The following NCBP3 variants were observed in gnomAD, a reference collection of about 807,000 sequenced individuals.
NCBP3 encodes the protein nuclear cap-binding protein subunit 3.
NCBP3 carries 20 observed loss-of-function variants against 75.7 expected under a neutral mutation model. The observed-to-expected ratio is 0.26, with a 90% CI of 0.19 to 0.38. The LOEUF is 0.38. Among genes scored for constraint, NCBP3 ranks in the 10% least tolerant of loss-of-function variants. NCBP3 has a pLI of 1.00. For missense variants in NCBP3, 678 were observed against 796.9 expected, an observed-to-expected ratio of 0.85 and a Z score of 1.80; for synonymous variants, 293 against 290.5, an observed-to-expected ratio of 1.01 and a Z score of -0.09.
At chr17:3,836,592 A>G (rs218709) in intron 3 of NCBP3, among the ~76,000 whole-genome samples, 104,472 of 149,972 alleles carry the variant, frequency 0.7, 36,868 homozygotes, top group Middle Eastern at 0.76. Flanking sequence ...GGCGGAGGTT[A>G]TAGTGAGCCA....
At chr17:3,826,695 A>AGAAGGAAGGAAGGAAG (rs375511950) in intron 4 of NCBP3, among the ~76,000 whole-genome samples, 2,194 of 146,044 alleles carry the variant, frequency 0.015, 64 homozygotes, top group African/African-American at 0.049. Flanking sequence ...AGACAGAAAG[A>AGAAGGAAGGAAGGAAG]GAAGGAAGGA....
intron 4 of NCBP3, among the ~76,000 whole-genome samples, chr17:3,828,053 G>C (rs753548291): frequency 6.6e-6 from 1 of 152,126 alleles, no homozygotes; most frequent in Non-Finnish European, 1.5e-5. Context: ...TGAATAGCTG[G>C]GATTACAGGT....
Position 3,817,621 on chromosome 17 carries a change from T to C in NCBP3, c.1310+642A>G, listed in dbSNP as rs187340759. 8.3e-3 allele frequency among the ~76,000 whole-genome samples: 1,267 copies of C among 151,768 alleles called. 13 individuals are homozygous for C. The highest frequency in any genetic ancestry group is 0.012 in the Non-Finnish European group (843 of 67,948). On this transcript the variant is annotated intron_variant, in intron 10 of 12. Coordinates refer to ENST00000389005, the MANE Select transcript of NCBP3 (RefSeq NM_001114118.3). The stretch of plus-strand genomic sequence containing the variant: ...TCCAGCCTGGGTGACAGAGCGAGAC[T>C]CCGTCTCAAAAAAAAAATAAAAACA...
At chr17:3,824,835 G>C (rs1346206981) in intron 7 of NCBP3, 107 bp downstream of exon 7, 2 of 575,698 alleles carry the variant, frequency 3.5e-6, no homozygotes, top group African/African-American at 3.9e-5. Flanking sequence ...AGTTTGAAGG[G>C]AACTTTGAGA....
intron 3 of NCBP3, among the ~76,000 whole-genome samples, chr17:3,835,969 C>A (rs1305400009): frequency 6.6e-6 from 1 of 152,194 alleles, no homozygotes; most frequent in African/African-American, 2.4e-5. Context: ...GGACTATGAG[C>A]AAGTTTCCCA....
At position 3,846,059 on chromosome 17, in the gene NCBP3, C is replaced by T. The variant is rs1414040196; in HGVS notation, c.165G>A (p.Ser55=). 3 of 1,548,604 alleles carry T rather than the reference C, an allele frequency of 1.9e-6. No individual in the cohort carries two copies. Among genetic ancestry groups the T allele is most frequent in the Non-Finnish European group, 2.6e-6 (3 of 1,145,716 alleles). ...GELEIVPVRR[S]LKELIPDTSR... ...CCCGTACCGGGATCAGTTCCTTGAG[C>T]GAGCGCCGCACAGGCACGATTTCCA... Residue 55 remains serine, a synonymous_variant, in exon 1 of 13, where the codon TCG becomes TCA. Transcript: ENST00000389005. This position sits in a 1 kb window ranked among gnomAD's most constrained non-coding sequence, Gnocchi z 4.6.
chr17:3,830,249 G>A lies in NCBP3; in HGVS notation c.356-881C>T, dbSNP rs575844565. On this transcript the variant is annotated intron_variant, in intron 3 of 12. Coordinates refer to ENST00000389005, the MANE Select transcript of NCBP3 (RefSeq NM_001114118.3). ...TGTGGGCTCACGAAGTAGCTCACAC[G>A]AAGATGTTTGCTAAGGCACGATTTC... Among the ~76,000 whole-genome samples, 4 of 152,264 alleles carry A rather than the reference G, an allele frequency of 2.6e-5. No homozygotes were observed. In the East Asian group the frequency reaches 7.7e-4, roughly 29 times the overall value.
Position 3,812,766 on chromosome 17 carries a change from C to T in NCBP3, c.*278G>A, listed in dbSNP as rs1329137974. 15 of 1,256,416 alleles carry T rather than the reference C, an allele frequency of 1.2e-5. No individual in the cohort carries two copies. The highest frequency in any genetic ancestry group is 1.5e-5 in the Non-Finnish European group (15 of 994,840). The allele number at this position is 1,256,416 out of a possible 1,614,324, so 77.8% of individuals were successfully genotyped here. On this transcript the variant is annotated 3_prime_UTR_variant, in exon 13 of 13. Coordinates refer to ENST00000389005, the MANE Select transcript of NCBP3 (RefSeq NM_001114118.3). ...TTAAAAATATTAAGAAAAATGTCTA[C>T]AAAATCTGGAGGGCTGCCTTTTTCT... is the stretch of plus-strand genomic sequence containing the variant.
At chr17:3,839,267 G>C (rs1214245852) in intron 3 of NCBP3, among the ~76,000 whole-genome samples, 1 of 152,070 alleles carries the variant, frequency 6.6e-6, no homozygotes, top group Admixed American at 6.5e-5. Context: ...TAAAACTCAG[G>C]GCAGGATTAG....
rs1488436675 is a variant in NCBP3, at chr17:3,826,146, T to C, written c.551A>G (p.Gln184Arg). ...ALINMSSLPA[Q>R]DKIRSRDASE... is the part of the protein sequence containing the mutation. Reference sequence around the variant, plus strand: ...GGCATCCCTGCTTCTGATCTTATCCTGTGCAGGCAGGGAGCTCATATTGAT... The same window carrying C: ...GGCATCCCTGCTTCTGATCTTATCCCGTGCAGGCAGGGAGCTCATATTGAT... The change falls in exon 5 of 13, where the codon CAG becomes CGG. Residue 184 changes from glutamine to arginine, a missense_variant. Gln to Arg is a conservative substitution (Grantham distance 43, BLOSUM62 1). Transcript: ENST00000389005. The C allele has an allele frequency of 3.2e-5, 50 of 1,551,570 alleles. No individual in the cohort carries two copies. The highest frequency in any genetic ancestry group is 4.1e-5 in the Non-Finnish European group (47 of 1,146,968).
chr17:3,841,264 C>T (rs1020026882), intron 2 of NCBP3, among the ~76,000 whole-genome samples: 5 of 152,148 alleles, frequency 3.3e-5, no homozygotes, highest in African/African-American at 7.2e-5. Flanking sequence ...TGTGAGCCAC[C>T]GCGCCCAGTC....
intron 1 of NCBP3, among the ~76,000 whole-genome samples, chr17:3,843,731 G>A (rs2054108027): frequency 6.6e-6 from 1 of 152,124 alleles, no homozygotes; most frequent in Non-Finnish European, 1.5e-5. Flanking sequence ...ATTTTTAGTA[G>A]AGACGAGGTT....
intron 1 of NCBP3, among the ~76,000 whole-genome samples, chr17:3,845,730 G>C (rs748650061): frequency 1.3e-5 from 2 of 152,048 alleles, no homozygotes; most frequent in African/African-American, 4.8e-5. Context: ...CATCCTTCCA[G>C]CCCCTCCTCA....
At chr17:3,831,711 T>C (rs1371517379) in intron 3 of NCBP3, among the ~76,000 whole-genome samples, 1 of 122,156 alleles carries the variant, frequency 8.2e-6, no homozygotes, top group Non-Finnish European at 2.0e-5. Flanking sequence ...CCACATCCCT[T>C]CTTTCCCTTC....
intron 7 of NCBP3, chr17:3,822,464 C>A (rs1183593): frequency 0.12 from 18,499 of 158,810 alleles, 1,973 homozygotes; most frequent in African/African-American, 0.29. Context: ...AACAACACAG[C>A]ATCAGGATTA....
chr17:3,825,930 A>C, intron 5 of NCBP3, 87 bp from the exon 6 acceptor site: 1 of 1,415,226 alleles, frequency 7.1e-7, no homozygotes, highest in Non-Finnish European at 9.7e-7. Flanking sequence ...TATAATTTTA[A>C]AAGTCCAGTA....
rs377374035 is a variant in NCBP3, at chr17:3,813,038, G to C, written c.*6C>G. 1 of 1,613,990 alleles carries C rather than the reference G, an allele frequency of 6.2e-7. No homozygotes were observed. The highest frequency in any genetic ancestry group is 1.3e-5 in the African/African-American group (1 of 74,918). On this transcript the variant is annotated 3_prime_UTR_variant, in exon 13 of 13. Coordinates refer to ENST00000389005, the MANE Select transcript of NCBP3 (RefSeq NM_001114118.3). ...TTTAGGGCAGCTGCCATAGGCCCCA[G>C]GGGCATCAGGACTCTGCCTCTGAAC...
chr17:3,820,936 A>C (rs2053650897), intron 9 of NCBP3, among the ~76,000 whole-genome samples: 1 of 152,204 alleles, frequency 6.6e-6, no homozygotes, highest in Non-Finnish European at 1.5e-5. Context: ...TCTTAAAAAA[A>C]AAAAAAAAAT....
rs539549712 is a variant in NCBP3, at chr17:3,839,782, C to T, written c.355+318G>A. On this transcript the variant is annotated intron_variant, in intron 3 of 12. Transcript: ENST00000389005. Reference sequence around the variant, plus strand: ...TAAAGGCAAAGAAAAGTTAACACCTCTACGATAAAAGGAGAAAATGAGTAA... The same window carrying T: ...TAAAGGCAAAGAAAAGTTAACACCTTTACGATAAAAGGAGAAAATGAGTAA... Among the ~76,000 whole-genome samples, 16 of 152,314 alleles carry T rather than the reference C, an allele frequency of 1.1e-4. No homozygotes were observed. In the South Asian group the frequency reaches 2.9e-3, roughly 28 times the overall value.
Sources: allele counts gnomAD v4.1 joint callset (sites outside exome capture counted in the v4.1 genomes callset), GRCh38; gene constraint gnomAD v4.1.1; non-coding constraint Gnocchi (gnomAD v3.1); transcripts MANE v1.5; gene names NCBI Gene and HGNC (gene_info 2026-07-23, HGNC 2026-07-21).